SPOCK3: variants seen among roughly 807,000 people sequenced by gnomAD.
The protein encoded by SPOCK3 is testican-3.
SPOCK3 carries 30 observed loss-of-function variants against 56.6 expected under a neutral mutation model. That is an observed-to-expected ratio of 0.53 (90% confidence interval 0.40 to 0.72). The LOEUF (loss-of-function observed/expected upper bound fraction) is 0.72. SPOCK3 is among the 30% of genes least tolerant of loss of function. SPOCK3 has a pLI of 0.00. For missense variants in SPOCK3, 527 were observed against 530.0 expected, an observed-to-expected ratio of 0.99 and a Z score of 0.06; for synonymous variants, 196 against 183.3, an observed-to-expected ratio of 1.07 and a Z score of -0.56.
chr4:167,117,981 T>C (rs147878850), intron 2 of SPOCK3, among the ~76,000 whole-genome samples: 190 of 152,300 alleles, frequency 1.2e-3, no homozygotes, highest in African/African-American at 4.3e-3. Flanking sequence ...GGCACCTTCC[T>C]CAGTTTCTAC....
intron 4 of SPOCK3, among the ~76,000 whole-genome samples, chr4:166,972,233 A>G (rs1745471010): frequency 6.6e-6 from 1 of 152,160 alleles, no homozygotes; most frequent in South Asian, 2.1e-4. Context: ...CAGCAGCTTC[A>G]GAAGTGCTTG....
At chr4:166,939,884 T>C (rs944383941) in intron 4 of SPOCK3, among the ~76,000 whole-genome samples, 2 of 152,222 alleles carry the variant, frequency 1.3e-5, no homozygotes, top group African/African-American at 4.8e-5. Context: ...CCATTGGTAC[T>C]AGAAATATAA....
intron 4 of SPOCK3, among the ~76,000 whole-genome samples, chr4:166,968,237 C>T (rs964884104): frequency 6.6e-6 from 1 of 152,116 alleles, no homozygotes; most frequent in Non-Finnish European, 1.5e-5. Context: ...GCAGCCTGAA[C>T]ATGTGGTAGA....
At chr4:167,068,055 A>C (rs887461964) in intron 2 of SPOCK3, among the ~76,000 whole-genome samples, 1 of 150,666 alleles carries the variant, frequency 6.6e-6, no homozygotes, top group African/African-American at 2.4e-5. Context: ...AATTTCAATT[A>C]AATTAGGATG....
chr4:167,097,743 C>T (rs781685491), intron 2 of SPOCK3, among the ~76,000 whole-genome samples: 6 of 151,756 alleles, frequency 4.0e-5, no homozygotes, highest in Non-Finnish European at 8.8e-5. Flanking sequence ...AAGACATGCA[C>T]ACTCATGTCA....
At chr4:167,182,579 G>T (rs1003801261) in intron 2 of SPOCK3, among the ~76,000 whole-genome samples, 1 of 150,596 alleles carries the variant, frequency 6.6e-6, no homozygotes, top group African/African-American at 2.4e-5. Context: ...TTGCTGTATT[G>T]CCCAGGCTGG....
intron 2 of SPOCK3, among the ~76,000 whole-genome samples, chr4:167,113,264 T>C (rs927902597): frequency 6.6e-6 from 1 of 152,186 alleles, no homozygotes. Flanking sequence ...AACAACTCTA[T>C]AAATCTTTTT....
chr4:166,817,650 G>C (rs1247881822), intron 6 of SPOCK3, among the ~76,000 whole-genome samples: 2 of 152,020 alleles, frequency 1.3e-5, no homozygotes, highest in African/African-American at 4.8e-5. Flanking sequence ...TAAAGAGAAA[G>C]AGGAGCTCTA....
At chr4:167,113,233 T>C (rs986312664) in intron 2 of SPOCK3, among the ~76,000 whole-genome samples, 9 of 152,162 alleles carry the variant, frequency 5.9e-5, no homozygotes, top group Admixed American at 5.9e-4. Flanking sequence ...CTGAAGTACA[T>C]TGCTACTTAG....
At chr4:166,890,422 C>T (rs535319558) in intron 5 of SPOCK3, among the ~76,000 whole-genome samples, 3 of 151,740 alleles carry the variant, frequency 2.0e-5, no homozygotes, top group African/African-American at 2.4e-5. Flanking sequence ...TTTTTCCCCA[C>T]GCAGTAGCTA....
intron 6 of SPOCK3, among the ~76,000 whole-genome samples, chr4:166,841,316 C>T (rs1560917166): frequency 6.6e-6 from 1 of 151,964 alleles, no homozygotes; most frequent in African/African-American, 2.4e-5. Flanking sequence ...GTTAGCCATA[C>T]CAGTAGGATG....
chr4:167,154,636 T>C (rs950768647), intron 2 of SPOCK3, among the ~76,000 whole-genome samples: 1 of 152,178 alleles, frequency 6.6e-6, no homozygotes, highest in Admixed American at 6.5e-5. Flanking sequence ...CCATAACCTG[T>C]TGAGAAATCC....
At chr4:167,133,229 T>C (rs1000746686) in intron 2 of SPOCK3, among the ~76,000 whole-genome samples, 3 of 152,122 alleles carry the variant, frequency 2.0e-5, no homozygotes, top group Non-Finnish European at 4.4e-5. Flanking sequence ...GGAGGAAGGC[T>C]GGAGGGTCAG....
intron 7 of SPOCK3, among the ~76,000 whole-genome samples, chr4:166,791,879 T>C (rs1741401023): frequency 6.6e-6 from 1 of 152,206 alleles, no homozygotes; most frequent in Non-Finnish European, 1.5e-5. Context: ...TATGTTGTTC[T>C]ACTCTTTACC....
chr4:166,964,651 TGAG>T (rs1461059443), intron 4 of SPOCK3, among the ~76,000 whole-genome samples: 1 of 151,490 alleles, frequency 6.6e-6, no homozygotes, highest in African/African-American at 2.4e-5. Flanking sequence ...AATATTTCTA[TGAG>T]GAGATGGAGG....
intron 3 of SPOCK3, among the ~76,000 whole-genome samples, chr4:167,009,979 C>A (rs1319122303): frequency 6.6e-6 from 1 of 151,992 alleles, no homozygotes; most frequent in South Asian, 2.1e-4. Context: ...ACAACCCTAG[C>A]CTTCAGAGGA....
At chr4:166,742,681 G>A in intron 8 of SPOCK3, among the ~76,000 whole-genome samples, 1 of 151,944 alleles carries the variant, frequency 6.6e-6, no homozygotes. Flanking sequence ...TTTAGGAACA[G>A]GATATAATAT....
intron 5 of SPOCK3, among the ~76,000 whole-genome samples, chr4:166,889,859 T>A (rs1734590591): frequency 6.6e-6 from 1 of 152,022 alleles, no homozygotes; most frequent in South Asian, 2.1e-4. Context: ...CACACATTCA[T>A]ACACATAGAG....
At chr4:167,143,196 C>T (rs533037042) in intron 2 of SPOCK3, among the ~76,000 whole-genome samples, 3 of 152,056 alleles carry the variant, frequency 2.0e-5, no homozygotes, top group Admixed American at 1.3e-4. Flanking sequence ...ACAAATACAT[C>T]GGTTCTGTCC....
Sources: gnomAD v4.1 joint callset for allele counts (sites outside exome capture counted in the v4.1 genomes callset) on GRCh38, gnomAD v4.1.1 for gene constraint, MANE v1.5 for transcripts, NCBI Gene and HGNC (gene_info 2026-07-23, HGNC 2026-07-21) for gene names.